The following CADPS2 variants were observed in gnomAD, a reference collection of about 807,000 sequenced individuals.
CADPS2 encodes the protein calcium dependent secretion activator 2.
In CADPS2, 93 loss-of-function variants were observed where a neutral mutation model predicts 172.5. The observed-to-expected ratio is 0.54, with a 90% CI of 0.46 to 0.64. The LOEUF is 0.64. Among genes scored for constraint, CADPS2 ranks in the 30% least tolerant of loss-of-function variants. The pLI is 0.00. For synonymous variants in CADPS2, 546 were observed against 555.2 expected (o/e 0.98, Z 0.23); for missense variants, 1,420 against 1,565.9 (o/e 0.91, Z 1.57).
At chr7:122,560,016 G>A (rs1291376675) in intron 7 of CADPS2, among the ~76,000 whole-genome samples, 1 of 152,052 alleles carries the variant, frequency 6.6e-6, no homozygotes, top group Non-Finnish European at 1.5e-5. Context: ...GGGTCTGAAA[G>A]GCTATTGCCT....
chr7:122,582,358 T>C (rs531760283), intron 6 of CADPS2, among the ~76,000 whole-genome samples: 77 of 152,088 alleles, frequency 5.1e-4, no homozygotes, highest in Admixed American at 2.9e-3. Flanking sequence ...TATCACAGCA[T>C]TTATAATAAA....
intron 1 of CADPS2, among the ~76,000 whole-genome samples, chr7:122,819,066 GT>G (rs1802351979): frequency 6.6e-6 from 1 of 152,156 alleles, no homozygotes; most frequent in Non-Finnish European, 1.5e-5. Flanking sequence ...ATAGAAAAAA[GT>G]TGCAATTCCT....
chr7:122,613,719 T>C (rs902337469), intron 6 of CADPS2, among the ~76,000 whole-genome samples: 8 of 151,786 alleles, frequency 5.3e-5, no homozygotes, highest in South Asian at 4.2e-4. Flanking sequence ...CAAAACTGGA[T>C]AGTGGTGATG....
Position 122,750,251 on chromosome 7 carries a change from T to C in CADPS2, c.340-13183A>G, listed in dbSNP as rs1281356664. Among the ~76,000 whole-genome samples the C allele has an allele frequency of 3.3e-5, 5 of 152,254 alleles. No individual in the cohort carries two copies. The East Asian group carries it at 9.7e-4, about 29-fold the overall frequency. On this transcript the variant is annotated intron_variant, in intron 1 of 29. Coordinates refer to ENST00000449022, the MANE Select transcript of CADPS2 (RefSeq NM_017954.11). ...ACAGAATTCTCATTTACATTTGAATTTCAGGTAAACAATATGTCATTTTTG... is the reference window on the plus strand; with the variant it reads ...ACAGAATTCTCATTTACATTTGAATCTCAGGTAAACAATATGTCATTTTTG...
intron 8 of CADPS2, among the ~76,000 whole-genome samples, chr7:122,534,929 T>C (rs762101426): frequency 2.0e-5 from 3 of 152,074 alleles, no homozygotes; most frequent in Non-Finnish European, 4.4e-5. Context: ...GGGATGTTTC[T>C]ATAAACCAAA....
At chr7:122,681,775 A>AAAC in intron 2 of CADPS2, 1 of 509,540 alleles carries the variant, frequency 2.0e-6, no homozygotes, top group Non-Finnish European at 3.3e-6. Context: ...ACATCTAAAA[A>AAAC]AAAATAAATA....
chr7:122,788,212 T>C (rs966378576), intron 1 of CADPS2, among the ~76,000 whole-genome samples: 4 of 152,210 alleles, frequency 2.6e-5, no homozygotes, highest in African/African-American at 9.7e-5. Context: ...TGTCTACTAG[T>C]AGTTTTCTGA....
intron 1 of CADPS2, among the ~76,000 whole-genome samples, chr7:122,768,853 A>G (rs1367388650): frequency 6.6e-6 from 1 of 152,216 alleles, no homozygotes; most frequent in African/African-American, 2.4e-5. Flanking sequence ...TGCTAAAAAG[A>G]AAACACAAAT....
At chr7:122,749,606 T>G (rs2092863382) in intron 1 of CADPS2, among the ~76,000 whole-genome samples, 1 of 152,142 alleles carries the variant, frequency 6.6e-6, no homozygotes, top group African/African-American at 2.4e-5. Context: ...GTTATTGCAT[T>G]TATATTCATG....
intron 1 of CADPS2, chr7:122,849,630 A>G (rs945229239): frequency 2.2e-5 from 6 of 271,100 alleles, no homozygotes; most frequent in Non-Finnish European, 3.6e-5. Flanking sequence ...TTAAGCATTT[A>G]TATGTTTACT....
rs139935534 is a variant in CADPS2, at chr7:122,867,227, A to G, written c.339+18772T>C. The stretch of plus-strand genomic sequence containing the variant: ...CATATATGTATCTGTTGCTTAATCC[A>G]TCTCCTCTACTAGAATATAAGCTTC... On this transcript the variant is annotated intron_variant, in intron 1 of 29. Transcript: ENST00000449022. Among the ~76,000 whole-genome samples, 34 of 152,170 alleles carry G rather than the reference A, an allele frequency of 2.2e-4. No individual in the cohort carries two copies. In the East Asian group the frequency reaches 5.8e-3, roughly 26 times the overall value.
intron 25 of CADPS2, 72 bp downstream of exon 25, chr7:122,379,296 T>A: frequency 1.0e-6 from 1 of 975,094 alleles, no homozygotes; most frequent in East Asian, 2.7e-5. Flanking sequence ...ATTAGATATT[T>A]AAAAACATTA....
At chr7:122,816,328 T>C (rs1047312700) in intron 1 of CADPS2, among the ~76,000 whole-genome samples, 1 of 152,216 alleles carries the variant, frequency 6.6e-6, no homozygotes, top group Admixed American at 6.5e-5. Context: ...TCACTTAACA[T>C]AATGTCTTCC....
intron 1 of CADPS2, among the ~76,000 whole-genome samples, chr7:122,876,285 A>C: frequency 6.6e-6 from 1 of 152,230 alleles, no homozygotes; most frequent in East Asian, 1.9e-4. Context: ...GTGTCACTGC[A>C]CTGCAGCCTG....
intron 9 of CADPS2, among the ~76,000 whole-genome samples, chr7:122,493,830 A>G (rs2058516271): frequency 6.6e-6 from 1 of 151,254 alleles, no homozygotes; most frequent in African/African-American, 2.4e-5. Flanking sequence ...TATATTCGAT[A>G]AACATTTGAA....
At chr7:122,428,318 T>C (rs1055034277) in intron 17 of CADPS2, among the ~76,000 whole-genome samples, 2 of 152,142 alleles carry the variant, frequency 1.3e-5, no homozygotes, top group Non-Finnish European at 2.9e-5. Flanking sequence ...CACTGTATTC[T>C]TTAACACCAT....
chr7:122,881,317 A>G (rs1822873013), intron 1 of CADPS2, among the ~76,000 whole-genome samples: 1 of 152,188 alleles, frequency 6.6e-6, no homozygotes. Flanking sequence ...GAAGCAAATG[A>G]CAACGTCACT....
intron 8 of CADPS2, among the ~76,000 whole-genome samples, chr7:122,527,421 A>G (rs927583718): frequency 1.3e-5 from 2 of 151,924 alleles, no homozygotes; most frequent in Admixed American, 6.6e-5. Context: ...TATGCTAAAA[A>G]AAAAAAAAAC....
intron 2 of CADPS2, among the ~76,000 whole-genome samples, chr7:122,729,581 T>C (rs1231714782): frequency 2.0e-5 from 3 of 151,792 alleles, no homozygotes; most frequent in Non-Finnish European, 4.4e-5. Context: ...TGGGATGATA[T>C]TTCATTGTGG....
Sources: gnomAD v4.1 joint callset for allele counts (sites outside exome capture counted in the v4.1 genomes callset) on GRCh38, gnomAD v4.1.1 for gene constraint, MANE v1.5 for transcripts, NCBI Gene and HGNC (gene_info 2026-07-23, HGNC 2026-07-21) for gene names.